The following SYN2 variants were observed in gnomAD, a reference collection of about 807,000 sequenced individuals.
The protein encoded by SYN2 is synapsin-2.
Under a neutral mutation model 50.9 loss-of-function variants are expected in SYN2, and 19 were observed. That is an observed-to-expected ratio of 0.37 (90% CI 0.26 to 0.55). The LOEUF (loss-of-function observed/expected upper bound fraction) is 0.55. SYN2 is among the 20% of genes least tolerant of loss of function. SYN2 has a pLI of 0.81. For missense variants in SYN2, 587 were observed against 576.4 expected (o/e 1.02, Z -0.19); for synonymous variants, 255 against 224.9 (o/e 1.13, Z -1.20).
At chr3:12,024,314 G>A (rs1003429488) in intron 1 of SYN2, among the ~76,000 whole-genome samples, 1 of 151,694 alleles carries the variant, frequency 6.6e-6, no homozygotes, top group Admixed American at 6.6e-5. Context: ...ATGCCAACAC[G>A]CCCAGCTAAT....
At chr3:12,088,056 A>C (rs957883695) in intron 1 of SYN2, among the ~76,000 whole-genome samples, 1 of 152,224 alleles carries the variant, frequency 6.6e-6, no homozygotes, top group Non-Finnish European at 1.5e-5. Flanking sequence ...CAAAAGCAAA[A>C]ATACACAATG....
intron 1 of SYN2, chr3:12,070,223 CA>C: frequency 2.4e-6 from 1 of 414,386 alleles, no homozygotes; most frequent in Non-Finnish European, 4.8e-6. Flanking sequence ...CCGCCTGTCA[CA>C]ATGGAAGAAG....
intron 1 of SYN2, among the ~76,000 whole-genome samples, chr3:12,087,728 A>T (rs1371703577): frequency 6.6e-6 from 1 of 152,094 alleles, no homozygotes; most frequent in African/African-American, 2.4e-5. Flanking sequence ...ACTTCAGCCT[A>T]GGTGACACAG....
At chr3:12,187,295 T>C (rs1559460558) in intron 11 of SYN2, 74 bp from the exon 12 acceptor site, 1 of 1,463,632 alleles carries the variant, frequency 6.8e-7, no homozygotes. Context: ...AACCACACCC[T>C]TTGAGGCATA....
chr3:12,028,021 T>TCCCCCCC (rs376765836), intron 1 of SYN2, among the ~76,000 whole-genome samples: 5 of 62,092 alleles, frequency 8.1e-5, no homozygotes, highest in African/African-American at 1.3e-4. Flanking sequence ...ATTTTTTCTT[T>TCCCCCCC]CCCTCCCCCC....
chr3:12,004,526 C>T lies in SYN2; in HGVS notation c.-26C>T, dbSNP rs761237591. The T allele has an allele frequency of 2.4e-5, 14 of 577,008 alleles. No homozygotes were observed. Among genetic ancestry groups the T allele is most frequent in the South Asian group, 2.3e-4 (12 of 51,754 alleles). 35.7% of individuals were successfully genotyped at this position (577,008 alleles called of 1,614,324 possible). ...TCCGCGCCACCAGACCCCGTAGCCCCGCGCGCCCCCAGCCCTTTAAGCCAG... is the reference window on the plus strand; with the variant it reads ...TCCGCGCCACCAGACCCCGTAGCCCTGCGCGCCCCCAGCCCTTTAAGCCAG... On this transcript the variant is annotated 5_prime_UTR_variant, in exon 1 of 13. Transcript: ENST00000621198.
intron 1 of SYN2, among the ~76,000 whole-genome samples, chr3:12,051,053 A>G (rs913009966): frequency 2.9e-4 from 44 of 152,046 alleles, no homozygotes; most frequent in Non-Finnish European, 1.3e-4. Flanking sequence ...TTATTTCTAT[A>G]TAGATAAAAC....
In SYN2 at chr3:12,190,738, C is replaced by T. The variant is rs1698430564; in HGVS notation, c.*113C>T. 1 of 1,488,722 alleles carries T rather than the reference C, an allele frequency of 6.7e-7. No homozygotes were observed. The highest frequency in any genetic ancestry group is 8.9e-7 in the Non-Finnish European group (1 of 1,122,992). 92.2% of individuals were successfully genotyped at this position (1,488,722 alleles called of 1,614,324 possible). On this transcript the variant is annotated 3_prime_UTR_variant, in exon 13 of 13. Coordinates refer to ENST00000621198, the MANE Select transcript of SYN2 (RefSeq NM_133625.6). The stretch of plus-strand genomic sequence containing the variant: ...CCCATGACCTTGACGTGTGTGGTCC[C>T]TTCCTCTGCTCTGTTGTACTAAGTG...
At chr3:12,063,119 G>A (rs1003217192) in intron 1 of SYN2, among the ~76,000 whole-genome samples, 3 of 151,720 alleles carry the variant, frequency 2.0e-5, no homozygotes, top group African/African-American at 7.3e-5. Flanking sequence ...CAGGAGATTT[G>A]GGGGGTGGTG....
In SYN2 at chr3:12,167,395, A is replaced by G; in HGVS notation, c.1055+87A>G. 5 of 1,400,180 alleles carry G rather than the reference A, an allele frequency of 3.6e-6. No homozygotes were observed. The South Asian group carries it at 4.9e-5, about 14-fold the overall frequency. 86.7% of individuals were successfully genotyped at this position (1,400,180 alleles called of 1,614,324 possible). A position where few individuals can be genotyped will look rare whatever the true frequency, so the allele number is the denominator to read the frequency against. ...AAGTTTAGGAATTAAGCTCTGTCCA[A>G]AGGGAGTCATGGAGCAAACCGGACA... On this transcript the variant is annotated intron_variant, in intron 8 of 12. Coordinates refer to ENST00000621198, the MANE Select transcript of SYN2 (RefSeq NM_133625.6).
intron 1 of SYN2, among the ~76,000 whole-genome samples, chr3:12,012,113 A>G (rs1019969642): frequency 7.3e-5 from 11 of 151,544 alleles, no homozygotes; most frequent in East Asian, 1.9e-4. Flanking sequence ...ACTCAAGACA[A>G]TATCATCAAA....
chr3:12,126,661 G>A (rs1186329267), intron 1 of SYN2, among the ~76,000 whole-genome samples: 1 of 152,178 alleles, frequency 6.6e-6, no homozygotes, highest in African/African-American at 2.4e-5. Flanking sequence ...CTTCCACCCA[G>A]TAGTTGTATG....
chr3:12,164,258 T>A (rs1697727244), intron 7 of SYN2, among the ~76,000 whole-genome samples: 1 of 152,174 alleles, frequency 6.6e-6, no homozygotes, highest in African/African-American at 2.4e-5. Context: ...TCTTGATCCT[T>A]AAAAGAAGAC....
intron 1 of SYN2, among the ~76,000 whole-genome samples, chr3:12,036,468 G>A (rs1694500940): frequency 6.6e-6 from 1 of 152,164 alleles, no homozygotes; most frequent in South Asian, 2.1e-4. Flanking sequence ...GCTACAGCCT[G>A]AGCCACACCC....
At chr3:12,161,495 C>T (rs1233824022) in intron 5 of SYN2, 51 bp from the exon 6 acceptor site, 41 of 1,600,382 alleles carry the variant, frequency 2.6e-5, no homozygotes, top group Middle Eastern at 1.7e-4. Flanking sequence ...TAGGATTCCA[C>T]GGAGAGATGG....
chr3:12,058,572 T>C (rs943649647), intron 1 of SYN2, among the ~76,000 whole-genome samples: 4 of 152,192 alleles, frequency 2.6e-5, no homozygotes, highest in Non-Finnish European at 5.9e-5. Context: ...TGATAATAAT[T>C]AAGCACTAGC....
intron 1 of SYN2, among the ~76,000 whole-genome samples, chr3:12,050,409 G>A (rs1222587694): frequency 9.2e-5 from 13 of 141,266 alleles, no homozygotes; most frequent in Admixed American, 2.3e-4. Flanking sequence ...GCAGTGGTAC[G>A]ATCTTGGCTC....
chr3:12,128,580 T>C (rs1464962822), intron 1 of SYN2, among the ~76,000 whole-genome samples: 1 of 152,238 alleles, frequency 6.6e-6, no homozygotes, highest in African/African-American at 2.4e-5. Flanking sequence ...TAATTTTTCA[T>C]ATTATCATGT....
chr3:12,080,345 C>T (rs1273183993), intron 1 of SYN2, among the ~76,000 whole-genome samples: 1 of 151,730 alleles, frequency 6.6e-6, no homozygotes, highest in Admixed American at 6.6e-5. Flanking sequence ...CTTCTGCTAG[C>T]TTTGGGGTTT....
Sources: allele counts gnomAD v4.1 joint callset (sites outside exome capture counted in the v4.1 genomes callset), GRCh38; gene constraint gnomAD v4.1.1; transcripts MANE v1.5; gene names NCBI Gene and HGNC (gene_info 2026-07-23, HGNC 2026-07-21).